The following NOCT variants were observed in gnomAD, a reference collection of about 807,000 sequenced individuals.
The protein encoded by NOCT is nocturnin, also known as CCR4 carbon catabolite repression 4-like.
A neutral mutation model predicts 35.0 loss-of-function variants in NOCT; 18 were observed. The ratio of observed to expected loss-of-function variants is 0.51; its 90% CI spans 0.36 to 0.76. The LOEUF is 0.76. NOCT is among the 30% of genes least tolerant of loss of function. NOCT has a pLI of 0.01. For synonymous variants in NOCT, 235 were observed against 226.3 expected, an observed-to-expected ratio of 1.04 and a Z score of -0.34; for missense variants, 479 against 541.0, an observed-to-expected ratio of 0.89 and a Z score of 1.14.
rs142872657 is a variant in NOCT, at chr4:139,023,551, G to A, written c.190+7380G>A. ...TGCTCTGTTCCTCAAGCTGGAGTAC[G>A]ATGGCGCGATGTCAGCTCACTGCAA... On this transcript the variant is annotated intron_variant, in intron 1 of 2. Transcript: ENST00000280614. Among the ~76,000 whole-genome samples, 387 of 152,162 alleles carry A rather than the reference G, an allele frequency of 2.5e-3. 3 individuals carry two copies. Among genetic ancestry groups the A allele is most frequent in the African/African-American group, 8.9e-3 (369 of 41,522 alleles).
intron 1 of NOCT, among the ~76,000 whole-genome samples, chr4:139,020,728 G>A (rs563340887): frequency 2.6e-5 from 4 of 152,070 alleles, no homozygotes; most frequent in Non-Finnish European, 5.9e-5. Flanking sequence ...ACTTATTCCT[G>A]GAAAGCTTGA....
At chr4:139,039,760 G>C (rs1348135357) in intron 1 of NOCT, among the ~76,000 whole-genome samples, 1 of 151,824 alleles carries the variant, frequency 6.6e-6, no homozygotes, top group South Asian at 2.1e-4. Context: ...ATGGAGTATC[G>C]CTCTATTGCC....
intron 1 of NOCT, among the ~76,000 whole-genome samples, chr4:139,018,887 G>A (rs1414674833): frequency 1.3e-5 from 2 of 152,166 alleles, no homozygotes; most frequent in Non-Finnish European, 2.9e-5. Context: ...GTTAGGATTG[G>A]AAGAGATTAC....
chr4:139,036,663 T>A (rs1726743613), intron 1 of NOCT, among the ~76,000 whole-genome samples: 2 of 152,234 alleles, frequency 1.3e-5, no homozygotes, highest in Non-Finnish European at 2.9e-5. Flanking sequence ...TTTCCCCAAA[T>A]ACTTGCCAAT....
chr4:139,025,681 AT>A (rs1479026185), intron 1 of NOCT, among the ~76,000 whole-genome samples: 1 of 152,008 alleles, frequency 6.6e-6, no homozygotes, highest in Non-Finnish European at 1.5e-5. Flanking sequence ...GGTGCCTGTA[AT>A]CCCATCAGCG....
chr4:139,031,181 G>C (rs542144177), intron 1 of NOCT, among the ~76,000 whole-genome samples: 2 of 150,520 alleles, frequency 1.3e-5, no homozygotes, highest in African/African-American at 2.4e-5. Flanking sequence ...ATGGAGTCTC[G>C]CTCTGTTGCC....
chr4:139,015,837 T>C lies in NOCT; in HGVS notation c.-145T>C. The C allele has an allele frequency of 1.7e-6, 1 of 587,830 alleles. No homozygotes were observed. Among genetic ancestry groups the C allele is most frequent in the Non-Finnish European group, 2.4e-6 (1 of 409,442 alleles). The allele number at this position is 587,830 out of a possible 1,614,324, so 36.4% of individuals were successfully genotyped here. The stretch of plus-strand genomic sequence containing the variant: ...CCTCTCCGGCTCTGCTGCCCGGGAT[T>C]TCCCCAGAACCTGCGCCGCGCGAGA... On this transcript the variant is annotated 5_prime_UTR_variant, in exon 1 of 3. Coordinates refer to ENST00000280614, the MANE Select transcript of NOCT (RefSeq NM_012118.4).
At chr4:139,021,866 C>G (rs1176479057) in intron 1 of NOCT, among the ~76,000 whole-genome samples, 1 of 151,412 alleles carries the variant, frequency 6.6e-6, no homozygotes, top group African/African-American at 2.4e-5. Flanking sequence ...TCAAGCAATT[C>G]TCCTGCCTCA....
intron 1 of NOCT, among the ~76,000 whole-genome samples, chr4:139,036,206 G>T (rs1037319690): frequency 2.0e-5 from 3 of 152,142 alleles, no homozygotes; most frequent in African/African-American, 7.2e-5. Context: ...TGTATCTCCA[G>T]GGTAGTGTCT....
intron 1 of NOCT, among the ~76,000 whole-genome samples, chr4:139,025,449 C>T (rs1168433473): frequency 1.3e-5 from 2 of 152,140 alleles, no homozygotes; most frequent in Non-Finnish European, 2.9e-5. Flanking sequence ...GGAATTCCTC[C>T]AAATATTTGC....
chr4:139,039,203 A>G (rs1375792101), intron 1 of NOCT, among the ~76,000 whole-genome samples: 4 of 136,384 alleles, frequency 2.9e-5, no homozygotes, highest in South Asian at 2.6e-4. Context: ...TCTTAGCTTG[A>G]GGACTGCCAA....
intron 2 of NOCT, 80 bp from the exon 3 acceptor site, chr4:139,044,559 T>C: frequency 3.5e-6 from 3 of 845,356 alleles, no homozygotes; most frequent in Non-Finnish European, 5.8e-6. Flanking sequence ...TCTGAGGGTC[T>C]TGAGTGATGC....
intron 1 of NOCT, among the ~76,000 whole-genome samples, chr4:139,035,343 C>T (rs1465446339): frequency 6.6e-6 from 1 of 152,066 alleles, no homozygotes; most frequent in East Asian, 1.9e-4. Flanking sequence ...CCAGTGTTGC[C>T]CAGGCTGGTC....
intron 1 of NOCT, among the ~76,000 whole-genome samples, chr4:139,040,264 T>G (rs1323738906): frequency 5.4e-5 from 8 of 147,998 alleles, no homozygotes; most frequent in Non-Finnish European, 6.0e-5. Flanking sequence ...ATGGTCTCGA[T>G]CTTCTGACCT....
intron 1 of NOCT, among the ~76,000 whole-genome samples, chr4:139,027,849 AT>A (rs759099607): frequency 6.6e-6 from 1 of 152,130 alleles, no homozygotes. Context: ...ATGTCATGAA[AT>A]ATTACTGTTC....
chr4:139,037,219 G>C (rs1726752414), intron 1 of NOCT, among the ~76,000 whole-genome samples: 1 of 152,118 alleles, frequency 6.6e-6, no homozygotes, highest in Non-Finnish European at 1.5e-5. Context: ...CCTCTACCTA[G>C]TCTCTTATTC....
At chr4:139,026,153 G>T (rs1022394148) in intron 1 of NOCT, among the ~76,000 whole-genome samples, 1 of 152,136 alleles carries the variant, frequency 6.6e-6, no homozygotes, top group Non-Finnish European at 1.5e-5. Context: ...CCAGGCTGGA[G>T]TGCAGTGGCG....
intron 1 of NOCT, among the ~76,000 whole-genome samples, chr4:139,031,426 G>T (rs1726622170): frequency 6.6e-6 from 1 of 152,156 alleles, no homozygotes; most frequent in Non-Finnish European, 1.5e-5. Context: ...TGGGTTTACA[G>T]GTGTGAGCCA....
At chr4:139,033,012 CCAA>C (rs1726656346) in intron 1 of NOCT, among the ~76,000 whole-genome samples, 1 of 151,632 alleles carries the variant, frequency 6.6e-6, no homozygotes, top group East Asian at 1.9e-4. Context: ...CTGCAGTGAG[CCAA>C]CATCGCGCCA....
Sources: gnomAD v4.1 joint callset for allele counts (sites outside exome capture counted in the v4.1 genomes callset) on GRCh38, gnomAD v4.1.1 for gene constraint, MANE v1.5 for transcripts, NCBI Gene and HGNC (gene_info 2026-07-23, HGNC 2026-07-21) for gene names.